The following PCDH9 variants were observed in gnomAD, a reference collection of about 807,000 sequenced individuals.
PCDH9 encodes protocadherin 9.
Under a neutral mutation model 70.6 loss-of-function variants are expected in PCDH9, and 24 were observed. The observed-to-expected ratio is 0.34, with a 90% CI of 0.25 to 0.48. The LOEUF is 0.48. Ranked by LOEUF, PCDH9 falls within the 20% of genes least tolerant of loss-of-function variation. The pLI is 0.99. For missense variants in PCDH9, 1,281 were observed against 1,503.6 expected (o/e 0.85, Z 2.45); for synonymous variants, 562 against 558.5 (o/e 1.01, Z -0.09).
chr13:67,018,113 A>G (rs773503817), intron 2 of PCDH9, among the ~76,000 whole-genome samples: 3 of 152,206 alleles, frequency 2.0e-5, no homozygotes, highest in Non-Finnish European at 2.9e-5. Flanking sequence ...CTTGGACACT[A>G]TCTTGTAATA....
intron 2 of PCDH9, among the ~76,000 whole-genome samples, chr13:66,913,757 C>T (rs780001612): frequency 2.6e-5 from 4 of 151,938 alleles, no homozygotes; most frequent in Non-Finnish European, 5.9e-5. Context: ...CTAAATGCTT[C>T]GTTGTTAAAG....
chr13:66,407,106 C>T (rs1378232108), intron 4 of PCDH9, among the ~76,000 whole-genome samples: 1 of 152,178 alleles, frequency 6.6e-6, no homozygotes, highest in Non-Finnish European at 1.5e-5. Flanking sequence ...GAGGGTAAAA[C>T]CTCTCCACTG....
chr13:66,934,337 G>T (rs1451008690), intron 2 of PCDH9, among the ~76,000 whole-genome samples: 1 of 151,998 alleles, frequency 6.6e-6, no homozygotes, highest in Non-Finnish European at 1.5e-5. Context: ...TTCACGACCA[G>T]TCTGGCCACC....
At chr13:66,737,967 G>A (rs1489495926) in intron 3 of PCDH9, among the ~76,000 whole-genome samples, 6 of 152,154 alleles carry the variant, frequency 3.9e-5, no homozygotes, top group African/African-American at 7.2e-5. Context: ...AAAGCAGCCA[G>A]GAAGCTCGAA....
chr13:66,979,201 G>T (rs1000628268), intron 2 of PCDH9, among the ~76,000 whole-genome samples: 2 of 152,026 alleles, frequency 1.3e-5, no homozygotes, highest in African/African-American at 2.4e-5. Flanking sequence ...TTCTTTGAGG[G>T]TTATCAACCT....
At position 67,204,143 on chromosome 13, in the gene PCDH9, G is replaced by C. The variant is rs1045860411; in HGVS notation, c.3036+21262C>G. On this transcript the variant is annotated intron_variant, in intron 2 of 4. Coordinates refer to ENST00000377865, the MANE Select transcript of PCDH9 (RefSeq NM_203487.3). ...TTTTCTTATTGTGGATACACACTAA[G>C]CACAATTTTTCTCTAAACAGTTTTA... The C allele has an allele frequency of 2.0e-5, 3 of 151,908 alleles. No individual in the cohort carries two copies. The East Asian group carries it at 5.8e-4, about 29-fold the overall frequency. 9.4% of individuals were successfully genotyped at this position (151,908 alleles called of 1,614,324 possible). A position where few individuals can be genotyped will look rare whatever the true frequency, so the allele number is the denominator to read the frequency against.
At chr13:67,097,658 A>C (rs995836558) in intron 2 of PCDH9, among the ~76,000 whole-genome samples, 1 of 152,202 alleles carries the variant, frequency 6.6e-6, no homozygotes, top group Non-Finnish European at 1.5e-5. Context: ...TGATTTCAGT[A>C]AAAACAAAAA....
At chr13:67,075,367 T>A (rs960185613) in intron 2 of PCDH9, among the ~76,000 whole-genome samples, 1 of 152,082 alleles carries the variant, frequency 6.6e-6, no homozygotes, top group African/African-American at 2.4e-5. Context: ...ATATTCTGAT[T>A]TGACATAAAA....
At chr13:66,878,904 T>C (rs1342363166) in intron 3 of PCDH9, among the ~76,000 whole-genome samples, 3 of 152,168 alleles carry the variant, frequency 2.0e-5, no homozygotes, top group African/African-American at 7.2e-5. Flanking sequence ...TTCTTTTCTA[T>C]TGGGCGTCCA....
intron 2 of PCDH9, among the ~76,000 whole-genome samples, chr13:67,151,124 C>G (rs1044828090): frequency 2.0e-5 from 3 of 152,100 alleles, no homozygotes; most frequent in Non-Finnish European, 4.4e-5. Flanking sequence ...GGCTCATCCT[C>G]TTCTTGAGGG....
At chr13:66,949,047 T>C (rs1481526675) in intron 2 of PCDH9, among the ~76,000 whole-genome samples, 1 of 152,108 alleles carries the variant, frequency 6.6e-6, no homozygotes, top group Non-Finnish European at 1.5e-5. Context: ...GTTCTTTCAT[T>C]TGATAAAACA....
Position 66,580,004 on chromosome 13 carries a change from T to C in PCDH9, c.3340+51206A>G, listed in dbSNP as rs184379797. ...AGATTTTTGAAGATGTTCAAATACC[T>C]TTCTTTTATATATGTCTTTGATCTC... On this transcript the variant is annotated intron_variant, in intron 4 of 4. Coordinates refer to ENST00000377865, the MANE Select transcript of PCDH9 (RefSeq NM_203487.3). Among the ~76,000 whole-genome samples the C allele has an allele frequency of 1.6e-4, 25 of 152,210 alleles. No individual in the cohort carries two copies. The East Asian group carries it at 4.8e-3, about 29-fold the overall frequency.
At chr13:66,416,100 T>A (rs1476545321) in intron 4 of PCDH9, among the ~76,000 whole-genome samples, 1 of 152,152 alleles carries the variant, frequency 6.6e-6, no homozygotes, top group African/African-American at 2.4e-5. Flanking sequence ...ACTGTTTTTG[T>A]AGATTTTGCC....
intron 3 of PCDH9, among the ~76,000 whole-genome samples, chr13:66,747,123 G>A (rs567316589): frequency 8.2e-4 from 125 of 152,278 alleles, no homozygotes; most frequent in Non-Finnish European, 4.4e-4. Flanking sequence ...AGGCAGAGGC[G>A]GGTGGATCAC....
In PCDH9 at chr13:66,306,225, A is replaced by C. The variant is rs555823738; in HGVS notation, c.3341-1197T>G. 1.4e-4 allele frequency: 22 copies of C among 152,176 alleles called. 2 individuals carry two copies. In the South Asian group the frequency reaches 4.4e-3, roughly 30 times the overall value. 9.4% of individuals were successfully genotyped at this position (152,176 alleles called of 1,614,324 possible). A position where few individuals can be genotyped will look rare whatever the true frequency, so the allele number is the denominator to read the frequency against. ...TTAAATCGCTCAATAATTGGAATGT[A>C]GGTCTTTGCTAAAACCAAAGTTAGC... On this transcript the variant is annotated intron_variant, in intron 4 of 4. Transcript: ENST00000377865.
At chr13:66,715,314 A>G (rs769913032) in intron 3 of PCDH9, among the ~76,000 whole-genome samples, 29 of 152,170 alleles carry the variant, frequency 1.9e-4, no homozygotes, top group Middle Eastern at 3.2e-3. Flanking sequence ...ATGTTAATGT[A>G]CTTCATTAAA....
chr13:66,542,860 T>C (rs1456884992), intron 4 of PCDH9, among the ~76,000 whole-genome samples: 2 of 149,676 alleles, frequency 1.3e-5, no homozygotes, highest in Admixed American at 1.3e-4. Context: ...TATACAACTA[T>C]TATGTATCTA....
chr13:66,552,868 TGACTGGG>T (rs1455836516), intron 4 of PCDH9, among the ~76,000 whole-genome samples: 7 of 152,124 alleles, frequency 4.6e-5, no homozygotes, highest in African/African-American at 1.7e-4. Context: ...CACTTCAGCG[TGACTGGG>T]GAGGTCTCAG....
chr13:66,947,582 G>C (rs900197384), intron 2 of PCDH9, among the ~76,000 whole-genome samples: 5 of 152,110 alleles, frequency 3.3e-5, no homozygotes, highest in African/African-American at 9.7e-5. Flanking sequence ...GAAGATGGGG[G>C]TGTGGGTAGA....
Sources: gnomAD v4.1 joint callset for allele counts (sites outside exome capture counted in the v4.1 genomes callset) on GRCh38, gnomAD v4.1.1 for gene constraint, MANE v1.5 for transcripts, NCBI Gene and HGNC (gene_info 2026-07-23, HGNC 2026-07-21) for gene names.